FOXP2: variants seen among roughly 807,000 people sequenced by gnomAD.
FOXP2 encodes forkhead box protein P2.
In FOXP2, 12 loss-of-function variants were observed where a neutral mutation model predicts 115.8. That is an observed-to-expected ratio of 0.10 (90% CI 0.07 to 0.17). FOXP2 has a LOEUF of 0.17. Ranked by LOEUF, FOXP2 falls within the 10% of genes least tolerant of loss-of-function variation. The pLI is 1.00. For synonymous variants in FOXP2, 328 were observed against 297.7 expected (o/e 1.10, Z -1.05); for missense variants, 629 against 843.5 (o/e 0.75, Z 3.15).
At chr7:114,254,126 C>T (rs1795532526) in intron 1 of FOXP2, among the ~76,000 whole-genome samples, 1 of 152,200 alleles carries the variant, frequency 6.6e-6, no homozygotes, top group Non-Finnish European at 1.5e-5. Flanking sequence ...TGGCCCCCCA[C>T]TCTCTTCTGG....
intron 2 of FOXP2, among the ~76,000 whole-genome samples, chr7:114,299,923 A>G (rs1003597477): frequency 2.6e-5 from 4 of 152,074 alleles, no homozygotes; most frequent in African/African-American, 7.2e-5. Flanking sequence ...AAAGGATTAC[A>G]CAGTACTCAT....
intron 2 of FOXP2, among the ~76,000 whole-genome samples, chr7:114,357,679 T>A (rs114153176): frequency 0.012 from 1,823 of 152,292 alleles, 23 homozygotes; most frequent in African/African-American, 0.032. Context: ...AGAACTAGGA[T>A]GTATGGTATC....
At chr7:114,515,690 T>A (rs1798303671) in intron 2 of FOXP2, among the ~76,000 whole-genome samples, 1 of 152,068 alleles carries the variant, frequency 6.6e-6, no homozygotes, top group Non-Finnish European at 1.5e-5. Flanking sequence ...CTGATGGTAG[T>A]TTCTTTTGCT....
intron 1 of FOXP2, among the ~76,000 whole-genome samples, chr7:114,285,900 T>C (rs1300832271): frequency 2.6e-5 from 4 of 152,024 alleles, no homozygotes; most frequent in Admixed American, 2.6e-4. Flanking sequence ...CCTATGAAAT[T>C]ATCTATGGTA....
At chr7:114,537,032 A>T (rs1030774642) in intron 3 of FOXP2, among the ~76,000 whole-genome samples, 1 of 151,578 alleles carries the variant, frequency 6.6e-6, no homozygotes, top group Admixed American at 6.6e-5. Context: ...ATATTAGGTA[A>T]TGCTTATCCT....
chr7:114,484,385 A>AT (rs1350788806), intron 2 of FOXP2, among the ~76,000 whole-genome samples: 2 of 152,004 alleles, frequency 1.3e-5, no homozygotes, highest in East Asian at 3.9e-4. Context: ...CTTTTAGTGC[A>AT]TGATAATATT....
chr7:114,592,933 C>T (rs760421830), intron 3 of FOXP2, among the ~76,000 whole-genome samples: 2 of 151,888 alleles, frequency 1.3e-5, no homozygotes, highest in South Asian at 2.1e-4. Context: ...ATTTGAGAGT[C>T]GTCTGAACTA....
At chr7:114,500,158 G>A (rs1463960312) in intron 2 of FOXP2, among the ~76,000 whole-genome samples, 2 of 149,342 alleles carry the variant, frequency 1.3e-5, no homozygotes, top group African/African-American at 2.5e-5. Flanking sequence ...GGAGCTTGCA[G>A]TGAGCCGAGA....
chr7:114,109,101 G>A (rs1791200214), intron 1 of FOXP2, among the ~76,000 whole-genome samples: 1 of 151,952 alleles, frequency 6.6e-6, no homozygotes, highest in African/African-American at 2.4e-5. Flanking sequence ...ATACACCAAA[G>A]TGTCAGATTT....
chr7:114,146,749 G>T (rs1027994535), intron 1 of FOXP2, among the ~76,000 whole-genome samples: 1 of 152,186 alleles, frequency 6.6e-6, no homozygotes, highest in African/African-American at 2.4e-5. Flanking sequence ...CCATTGCTGT[G>T]TGTGACAGGC....
At chr7:114,271,506 A>T (rs1796037405) in intron 1 of FOXP2, among the ~76,000 whole-genome samples, 1 of 132,150 alleles carries the variant, frequency 7.6e-6, no homozygotes. Flanking sequence ...AAATATATTA[A>T]TAATATAATA....
At chr7:114,641,764 TC>T in intron 6 of FOXP2, among the ~76,000 whole-genome samples, 1 of 152,002 alleles carries the variant, frequency 6.6e-6, no homozygotes, top group South Asian at 2.1e-4. Flanking sequence ...GTTGAATAGT[TC>T]AATTTTTATT....
At position 114,142,493 on chromosome 7, in the gene FOXP2, G is replaced by A. The variant is rs184891462; in HGVS notation, c.-246-20451G>A. On this transcript the variant is annotated intron_variant, in intron 1 of 19. Transcript: ENST00000635638. ...TTTGAAATGAGGGGCTAGATGAAATGCTAAGTATTCAGGAACATTTAGAAT... is the reference window on the plus strand; with the variant it reads ...TTTGAAATGAGGGGCTAGATGAAATACTAAGTATTCAGGAACATTTAGAAT... Among the ~76,000 whole-genome samples the A allele has an allele frequency of 3.2e-3, 494 of 152,242 alleles. 4 individuals carry two copies. The highest frequency in any genetic ancestry group is 8.2e-3 in the Admixed American group (125 of 15,304).
intron 2 of FOXP2, among the ~76,000 whole-genome samples, chr7:114,318,235 T>C (rs954389438): frequency 6.6e-6 from 1 of 152,166 alleles, no homozygotes; most frequent in East Asian, 1.9e-4. Flanking sequence ...GTTTTTGTTT[T>C]ATTTTCTCCT....
chr7:114,193,778 C>T (rs768393904), intron 1 of FOXP2, among the ~76,000 whole-genome samples: 45 of 152,024 alleles, frequency 3.0e-4, no homozygotes, highest in Non-Finnish European at 5.1e-4. Context: ...TTCAGTTTGT[C>T]GGTATGGTAC....
intron 3 of FOXP2, among the ~76,000 whole-genome samples, chr7:114,622,493 G>A (rs1804307768): frequency 1.3e-5 from 2 of 151,862 alleles, no homozygotes; most frequent in South Asian, 4.1e-4. Context: ...AAACCATGCA[G>A]CTAAATGTTG....
chr7:114,500,215 CAAA>C (rs760392447), intron 2 of FOXP2, among the ~76,000 whole-genome samples: 4 of 50,950 alleles, frequency 7.9e-5, no homozygotes, highest in Admixed American at 4.6e-4. Context: ...GACTCCATCT[CAAA>C]AAAAAAAAAA....
rs115963594 is a variant in FOXP2, at chr7:114,322,581, A to G, written c.-11+34472A>G. Among the ~76,000 whole-genome samples the G allele has an allele frequency of 4.4e-3, 672 of 152,208 alleles. 5 individuals are homozygous for G. The highest frequency in any genetic ancestry group is 0.015 in the African/African-American group (643 of 41,544). ...GTTCCATTAAATCTTCACAATTACT[A>G]TAGTAGACATTTTTTTCAATTTTGC... On this transcript the variant is annotated intron_variant, in intron 2 of 17. Coordinates refer to the FOXP2 transcript ENST00000634411.
At chr7:114,648,230 T>C (rs964935637) in intron 8 of FOXP2, among the ~76,000 whole-genome samples, 1 of 152,106 alleles carries the variant, frequency 6.6e-6, no homozygotes, top group African/African-American at 2.4e-5. Flanking sequence ...AAGGCATTCT[T>C]TGAACTTGTC....
Sources: allele counts gnomAD v4.1 joint callset (sites outside exome capture counted in the v4.1 genomes callset), GRCh38; gene constraint gnomAD v4.1.1; transcripts MANE v1.5; gene names NCBI Gene and HGNC (gene_info 2026-07-23, HGNC 2026-07-21).